CACNA1H: variants seen among roughly 807,000 people sequenced by gnomAD.
The protein encoded by CACNA1H is calcium voltage-gated channel subunit alpha1 H.
A neutral mutation model predicts 192.5 loss-of-function variants in CACNA1H; 149 were observed. That is an observed-to-expected ratio of 0.77 (90% CI 0.68 to 0.89). The LOEUF (loss-of-function observed/expected upper bound fraction) is 0.89. Ranked by LOEUF, CACNA1H falls within the 40% of genes least tolerant of loss-of-function variation. The probability of loss-of-function intolerance (pLI) is 0.00; values close to 1 mark genes in which losing one functional copy is unlikely to be tolerated. For missense variants in CACNA1H, 4,257 were observed against 3,423.5 expected (o/e 1.24, Z -6.08); for synonymous variants, 2,202 against 1,475.2 (o/e 1.49, Z -11.29).
chr16:1,168,995 C>T (rs1336849462), intron 2 of CACNA1H, among the ~76,000 whole-genome samples: 1 of 152,118 alleles, frequency 6.6e-6, no homozygotes, highest in Admixed American at 6.5e-5. Context: ...TAGGGTGATG[C>T]CAGGGCGTTC....
At chr16:1,206,364 C>A in intron 12 of CACNA1H, 75 bp downstream of exon 12, 1 of 1,416,512 alleles carries the variant, frequency 7.1e-7, no homozygotes, top group South Asian at 1.3e-5. Context: ...CCAGGGCACC[C>A]CCCGAAGGAG....
chr16:1,221,752 G>T lies in CACNA1H; in HGVS notation c.*758G>T. ...GGGAGGGGGCGGAGCGGAATAAATA[G>T]TAACTTATTTAAGAAATGCACTTGG... On this transcript the variant is annotated 3_prime_UTR_variant, in exon 35 of 35. Transcript: ENST00000348261. The T allele has an allele frequency of 6.4e-7, 1 of 1,556,500 alleles. No homozygotes were observed. The highest frequency in any genetic ancestry group is 8.7e-7 in the Non-Finnish European group (1 of 1,146,752).
chr16:1,171,657 G>A (rs564996902), intron 2 of CACNA1H, among the ~76,000 whole-genome samples: 54 of 152,260 alleles, frequency 3.5e-4, no homozygotes, highest in African/African-American at 1.3e-3. Context: ...GCCGCCTGGG[G>A]GCTGCCTCCG....
chr16:1,167,092 C>T lies in CACNA1H; in HGVS notation c.299+13056C>T, dbSNP rs540639517. 6.6e-6 allele frequency among the ~76,000 whole-genome samples: 1 copy of T among 152,238 alleles called. No individual in the cohort carries two copies. Among genetic ancestry groups the T allele is most frequent in the Admixed American group, 6.5e-5 (1 of 15,292 alleles). ...TTCAGCAGCAGTGAGTGCTGACAAC[C>T]ACACCCAGCCGGAGTCCAGGGCTGT... On this transcript the variant is annotated intron_variant, in intron 2 of 34. Transcript: ENST00000348261. The surrounding 1 kb of genome is among the most constrained non-coding windows in gnomAD (Gnocchi z 4.2).
chr16:1,218,714 C>T (rs1970236605), intron 33 of CACNA1H, 63 bp downstream of exon 33: 4 of 1,260,858 alleles, frequency 3.2e-6, no homozygotes, highest in East Asian at 2.6e-5. Flanking sequence ...AAGATGGGGG[C>T]AGGTGGGAGG....
At chr16:1,183,442 C>T (rs771503890) in intron 2 of CACNA1H, among the ~76,000 whole-genome samples, 1 of 152,232 alleles carries the variant, frequency 6.6e-6, no homozygotes, top group South Asian at 2.1e-4. Context: ...TTCCTCCTCC[C>T]TTGTCTCCAT....
At position 1,209,923 on chromosome 16, in the gene CACNA1H, G is replaced by A. The variant is rs545735199; in HGVS notation, c.3745-112G>A. 811 of 775,886 alleles carry A rather than the reference G, an allele frequency of 1.0e-3. 4 individuals carry two copies. In the African/African-American group the frequency reaches 0.012, roughly 12 times the overall value. The allele number at this position is 775,886 out of a possible 1,614,324, so 48.1% of individuals were successfully genotyped here. Reference sequence around the variant, plus strand: ...AGGCCAGCGGGTGAGGAGTGAGGATGGAGAAGGCTGAGAAGGTGCTGGGAG... The same window carrying A: ...AGGCCAGCGGGTGAGGAGTGAGGATAGAGAAGGCTGAGAAGGTGCTGGGAG... On this transcript the variant is annotated intron_variant, in intron 17 of 34. Transcript: ENST00000348261.
At position 1,219,997 on chromosome 16, in the gene CACNA1H, A is replaced by G. The variant is rs1596479710; in HGVS notation, c.6065A>G (p.Asp2022Gly). Residue 2022 changes from aspartate to glycine, a missense_variant, in exon 35 of 35, where the codon GAT becomes GGT. Asp to Gly is a moderately conservative substitution (Grantham distance 94, BLOSUM62 -1). Transcript: ENST00000348261. ...CCCCCACAGGAGGCTGTGCACACCG[A>G]TTCCTTGGAAGGGAAGATTGACAGC... ...LLCRQEAVHT[D>G]SLEGKIDSPR... is the part of the protein sequence containing the mutation. The G allele has an allele frequency of 1.5e-6, 2 of 1,343,786 alleles. No homozygotes were observed. Among genetic ancestry groups the G allele is most frequent in the East Asian group, 2.9e-5 (1 of 33,932 alleles). The allele number at this position is 1,343,786 out of a possible 1,614,324, so 83.2% of individuals were successfully genotyped here.
intron 2 of CACNA1H, among the ~76,000 whole-genome samples, chr16:1,170,657 G>T (rs533045767): frequency 3.0e-4 from 45 of 152,334 alleles, no homozygotes; most frequent in African/African-American, 1.1e-3. Context: ...TGCCGACCGA[G>T]TTTGTGGGGC....
rs552357694 is a variant in CACNA1H, at chr16:1,211,686, C to G, written c.4477-30C>G. The G allele has an allele frequency of 1.9e-6, 3 of 1,612,020 alleles. No homozygotes were observed. In the South Asian group the frequency reaches 3.3e-5, roughly 18 times the overall value. On this transcript the variant is annotated intron_variant, in intron 23 of 34. Transcript: ENST00000348261. ...AGGGCCGGCGACCCCAGCTCTAACC[C>G]TCGCCAGTGACCCTGGCTCTGGCCC...
At chr16:1,210,309 CCCATCCACTCTG>C (rs1969275172) in intron 18 of CACNA1H, 49 bp from the exon 19 acceptor site, 1 of 1,428,390 alleles carries the variant, frequency 7.0e-7, no homozygotes, top group Admixed American at 2.0e-5. Flanking sequence ...TCCTGCAACC[CCCATCCACTCTG>C]CCATCCACGC....
intron 2 of CACNA1H, among the ~76,000 whole-genome samples, chr16:1,165,357 C>T (rs1224639490): frequency 1.3e-5 from 2 of 152,300 alleles, no homozygotes; most frequent in East Asian, 1.9e-4. Flanking sequence ...GCCTGCTGGT[C>T]CTCCCGGGCC....
intron 2 of CACNA1H, among the ~76,000 whole-genome samples, chr16:1,161,684 G>A (rs902002271): frequency 2.0e-5 from 3 of 152,202 alleles, no homozygotes; most frequent in Non-Finnish European, 4.4e-5. Context: ...CCAGCAGGCG[G>A]GTGAGAGAAG....
rs750607074 is a variant in CACNA1H, at chr16:1,210,094, C to T, written c.3804C>T (p.Ser1268=). 1.5e-5 allele frequency: 23 copies of T among 1,559,952 alleles called. No individual in the cohort carries two copies. In the Admixed American group the frequency reaches 4.0e-4, roughly 27 times the overall value. The change falls in exon 18 of 35, where the codon AGC becomes AGT. Residue 1268 remains serine, a synonymous_variant. Transcript: ENST00000348261. ...LEPYKPQWCR[S]REAWALYLFS... ...CCTACAAGCCCCAGTGGTGCCGGAGCCGCGAGGCCTGGGCCCTCTACCTCT... is the reference window on the plus strand; with the variant it reads ...CCTACAAGCCCCAGTGGTGCCGGAGTCGCGAGGCCTGGGCCCTCTACCTCT...
intron 2 of CACNA1H, chr16:1,160,287 A>G (rs1963019860): frequency 6.6e-6 from 1 of 152,194 alleles, no homozygotes; most frequent in African/African-American, 2.4e-5. Flanking sequence ...ATGTTGGCGT[A>G]ACTTGGAACA....
intron 2 of CACNA1H, among the ~76,000 whole-genome samples, chr16:1,161,566 A>C (rs1399687449): frequency 3.3e-5 from 5 of 152,098 alleles, no homozygotes; most frequent in Non-Finnish European, 5.9e-5. Context: ...TGGCCACAGG[A>C]GGGGGGCTAG....
rs1245328322 is a variant in CACNA1H, at chr16:1,208,043, C to T, written c.3185C>T (p.Pro1062Leu). Reference sequence around the variant, plus strand: ...AAGATGTGTTCCCTGGCCGTGACCCCCAACGGGCACCTGGAGGGACGAGGC... The same window carrying T: ...AAGATGTGTTCCCTGGCCGTGACCCTCAACGGGCACCTGGAGGGACGAGGC... ...ELKMCSLAVTPNGHLEGRGSL... is the reference protein window; with the variant it reads ...ELKMCSLAVTLNGHLEGRGSL... The change falls in exon 16 of 35, where the codon CCC (proline) becomes CTC (leucine). Residue 1062 changes from proline to leucine, a missense_variant. Coordinates refer to ENST00000348261, the MANE Select transcript of CACNA1H (RefSeq NM_021098.3). 7 of 1,607,236 alleles carry T rather than the reference C, an allele frequency of 4.4e-6. No homozygotes were observed. Among genetic ancestry groups the T allele is most frequent in the Non-Finnish European group, 5.9e-6 (7 of 1,177,822 alleles).
At chr16:1,217,741 C>T (rs1287402127) in intron 31 of CACNA1H, among the ~76,000 whole-genome samples, 178 bp from the exon 32 acceptor site, 4 of 152,226 alleles carry the variant, frequency 2.6e-5, no homozygotes, top group East Asian at 1.9e-4. Flanking sequence ...CCAGGGGCTC[C>T]GACCTCACAC....
chr16:1,204,386 G>A lies in CACNA1H; in HGVS notation c.2379G>A (p.Lys793=), dbSNP rs755411250. Residue 793 remains lysine (K), a synonymous_variant, in exon 10 of 35, where the codon AAG becomes AAA. Transcript: ENST00000348261. ...AGCTGCGCCGCATCGTGGACAGCAA[G>A]TACTTCAGCCGTGGCATCATGATGG... ...SGKLRRIVDS[K]YFSRGIMMAI... 5.8e-6 allele frequency: 9 copies of A among 1,561,824 alleles called. No individual in the cohort carries two copies. Among genetic ancestry groups the A allele is most frequent in the Non-Finnish European group, 7.8e-6 (9 of 1,155,192 alleles).
Sources: allele counts gnomAD v4.1 joint callset (sites outside exome capture counted in the v4.1 genomes callset), GRCh38; gene constraint gnomAD v4.1.1; non-coding constraint Gnocchi (gnomAD v3.1); transcripts MANE v1.5; gene names NCBI Gene and HGNC (gene_info 2026-07-23, HGNC 2026-07-21).